Variants in AP3B1 observed in about 807,000 individuals in gnomAD.
The protein encoded by AP3B1 is adaptor related protein complex 3 subunit beta 1.
AP3B1 carries 61 observed loss-of-function variants against 132.5 expected under a neutral mutation model. The ratio of observed to expected loss-of-function variants is 0.46; its 90% confidence interval spans 0.37 to 0.57. The LOEUF is 0.57. Among genes scored for constraint, AP3B1 ranks in the 20% least tolerant of loss-of-function variants. AP3B1 has a pLI of 0.00. For missense variants in AP3B1, 1,120 were observed against 1,289.4 expected, an observed-to-expected ratio of 0.87 and a Z score of 2.01; for synonymous variants, 388 against 438.3, an observed-to-expected ratio of 0.89 and a Z score of 1.43.
At chr5:78,155,475 G>A (rs1412777224) in intron 14 of AP3B1, among the ~76,000 whole-genome samples, 2 of 152,112 alleles carry the variant, frequency 1.3e-5, no homozygotes, top group East Asian at 1.9e-4. Flanking sequence ...TCGTGTTCTT[G>A]CAGGGGTGAC....
At chr5:78,153,416 C>T (rs1458420929) in intron 14 of AP3B1, among the ~76,000 whole-genome samples, 1 of 150,816 alleles carries the variant, frequency 6.6e-6, no homozygotes, top group Admixed American at 6.6e-5. Flanking sequence ...TTTTTCCATC[C>T]CTTTTTTTTT....
intron 22 of AP3B1, among the ~76,000 whole-genome samples, chr5:78,068,941 G>C (rs1055332549): frequency 6.6e-6 from 1 of 152,186 alleles, no homozygotes; most frequent in African/African-American, 2.4e-5. Context: ...AGCATGCAAG[G>C]CTTGTTCAAC....
intron 1 of AP3B1, among the ~76,000 whole-genome samples, chr5:78,292,607 T>C (rs767496304): frequency 4.6e-5 from 7 of 152,172 alleles, no homozygotes; most frequent in Non-Finnish European, 1.0e-4. Flanking sequence ...AGCAGAGAAG[T>C]ACCTGGTAAT....
At chr5:78,212,780 A>T (rs1277286002) in intron 7 of AP3B1, among the ~76,000 whole-genome samples, 3 of 152,234 alleles carry the variant, frequency 2.0e-5, no homozygotes, top group African/African-American at 7.2e-5. Flanking sequence ...CTTTTACAAC[A>T]TCACATAAGA....
At chr5:78,083,985 T>C (rs1750124615) in intron 22 of AP3B1, among the ~76,000 whole-genome samples, 1 of 152,210 alleles carries the variant, frequency 6.6e-6, no homozygotes, top group African/African-American at 2.4e-5. Context: ...AAAGTCATCA[T>C]TTAAACTAAA....
chr5:78,268,377 T>TA (rs1288316309), intron 1 of AP3B1, among the ~76,000 whole-genome samples: 4 of 151,644 alleles, frequency 2.6e-5, no homozygotes, highest in African/African-American at 9.7e-5. Flanking sequence ...AAAGAAACCT[T>TA]AAAAAAATCT....
chr5:78,251,410 G>T (rs951917887), intron 2 of AP3B1, among the ~76,000 whole-genome samples: 3 of 152,198 alleles, frequency 2.0e-5, no homozygotes, highest in Non-Finnish European at 4.4e-5. Context: ...TCATATCACT[G>T]AAAGAAGCAC....
At chr5:78,150,480 T>C (rs1240670719) in intron 14 of AP3B1, among the ~76,000 whole-genome samples, 2 of 152,144 alleles carry the variant, frequency 1.3e-5, no homozygotes, top group Admixed American at 6.5e-5. Context: ...GGGAGGGAGT[T>C]TGACGTAAAG....
chr5:78,197,634 G>C (rs891289140), intron 7 of AP3B1, among the ~76,000 whole-genome samples: 1 of 152,130 alleles, frequency 6.6e-6, no homozygotes, highest in African/African-American at 2.4e-5. Flanking sequence ...AAGATACAGG[G>C]AGACTTATTT....
intron 7 of AP3B1, among the ~76,000 whole-genome samples, chr5:78,192,188 T>A (rs1294076752): frequency 1.3e-5 from 2 of 151,156 alleles, no homozygotes; most frequent in Non-Finnish European, 2.9e-5. Context: ...TTCAACAAAA[T>A]GTCTTTAAAA....
chr5:78,129,037 T>A, intron 16 of AP3B1, 84 bp downstream of exon 16: 2 of 1,139,778 alleles, frequency 1.8e-6, no homozygotes, highest in South Asian at 1.5e-5. Context: ...TCCTAAGAGA[T>A]AAATTTTAAG....
intron 1 of AP3B1, 120 bp from the exon 2 acceptor site, chr5:78,267,715 A>T (rs942772798): frequency 2.4e-5 from 15 of 612,244 alleles, no homozygotes; most frequent in Non-Finnish European, 4.1e-5. Flanking sequence ...AACTGCAGCA[A>T]GAAGGTGGCC....
At chr5:78,005,304 A>G (rs1439290506) in intron 26 of AP3B1, among the ~76,000 whole-genome samples, 1 of 152,248 alleles carries the variant, frequency 6.6e-6, no homozygotes, top group African/African-American at 2.4e-5. Flanking sequence ...GAATAGGAAC[A>G]CAAAAGCACT....
chr5:78,219,490 TA>T (rs1224844679), intron 6 of AP3B1, among the ~76,000 whole-genome samples: 1 of 151,942 alleles, frequency 6.6e-6, no homozygotes, highest in East Asian at 1.9e-4. Context: ...GAATAAACAA[TA>T]AAAATTCATA....
intron 22 of AP3B1, among the ~76,000 whole-genome samples, chr5:78,087,273 G>A (rs868352595): frequency 1.3e-5 from 2 of 152,092 alleles, no homozygotes; most frequent in African/African-American, 2.4e-5. Context: ...AATTCTTGAG[G>A]GGTTTTCTTT....
At chr5:78,290,288 T>C (rs1749456903) in intron 1 of AP3B1, among the ~76,000 whole-genome samples, 1 of 152,210 alleles carries the variant, frequency 6.6e-6, no homozygotes, top group African/African-American at 2.4e-5. Context: ...GGTCTCACTA[T>C]GTTGCCCAGG....
chr5:78,035,111 T>A (rs1270799680), intron 23 of AP3B1, among the ~76,000 whole-genome samples: 1 of 151,948 alleles, frequency 6.6e-6, no homozygotes, highest in Non-Finnish European at 1.5e-5. Context: ...ATCTATCAAC[T>A]AACCAAGTAT....
intron 7 of AP3B1, 39 bp from the exon 8 acceptor site, chr5:78,181,701 C>G: frequency 6.3e-7 from 1 of 1,578,276 alleles, no homozygotes; most frequent in Non-Finnish European, 8.7e-7. Flanking sequence ...TACTTTAGAC[C>G]TTGAGCAATC....
rs772780058 is a variant in AP3B1 at position 78,165,629 on chromosome 5, G to A, written c.1211C>T (p.Thr404Ile). The A allele has an allele frequency of 6.2e-7, 1 of 1,609,400 alleles. No homozygotes were observed. The highest frequency in any genetic ancestry group is 1.3e-5 in the African/African-American group (1 of 74,978). The change falls in exon 12 of 27, where the codon ACT becomes ATT. Residue 404 changes from threonine to isoleucine, a missense_variant. By Grantham distance (89) the Thr-to-Ile change is moderately conservative. Transcript: ENST00000255194. ...ACAAACCTGAAATTCTCGAAGAAGAGTTGATATGTTGGCTTCATTTGCCAA... is the reference window on the plus strand; with the variant it reads ...ACAAACCTGAAATTCTCGAAGAAGAATTGATATGTTGGCTTCATTTGCCAA... ...TNLANEANIS[T>I]LLREFQTYVK...
Sources: gnomAD v4.1 joint callset for allele counts (sites outside exome capture counted in the v4.1 genomes callset) on GRCh38, gnomAD v4.1.1 for gene constraint, MANE v1.5 for transcripts, NCBI Gene and HGNC (gene_info 2026-07-23, HGNC 2026-07-21) for gene names.